Variants in TRAPPC9 observed in about 807,000 individuals in gnomAD.
TRAPPC9 encodes IKK2 binding protein.
Under a neutral mutation model 124.0 loss-of-function variants are expected in TRAPPC9, and 83 were observed. That is an observed-to-expected ratio of 0.67 (90% CI 0.56 to 0.80). The LOEUF is 0.80. TRAPPC9 is among the 30% of genes least tolerant of loss of function. The pLI, the probability that TRAPPC9 is intolerant of heterozygous loss-of-function variation, is 0.00. For missense variants in TRAPPC9, 1,302 were observed against 1,508.3 expected (o/e 0.86, Z 2.27); for synonymous variants, 638 against 617.5 (o/e 1.03, Z -0.49).
chr8:139,956,361 C>T (rs1834984625), intron 19 of TRAPPC9, among the ~76,000 whole-genome samples: 1 of 152,138 alleles, frequency 6.6e-6, no homozygotes, highest in Admixed American at 6.5e-5. Context: ...CGGGGTTTCA[C>T]TATGTTTGCC....
intron 17 of TRAPPC9, among the ~76,000 whole-genome samples, chr8:140,101,749 G>A (rs1587711041): frequency 6.6e-6 from 1 of 151,660 alleles, no homozygotes; most frequent in African/African-American, 2.4e-5. Flanking sequence ...CACCATGTTG[G>A]CCAGGCTGGT....
intron 9 of TRAPPC9, among the ~76,000 whole-genome samples, chr8:140,349,779 C>G (rs1460929924): frequency 6.6e-6 from 1 of 152,118 alleles, no homozygotes; most frequent in African/African-American, 2.4e-5. Flanking sequence ...TGGCACTGCA[C>G]CAAGAATAGG....
intron 16 of TRAPPC9, among the ~76,000 whole-genome samples, chr8:140,239,653 C>G (rs990906129): frequency 4.6e-5 from 7 of 152,206 alleles, no homozygotes; most frequent in African/African-American, 1.7e-4. Context: ...ACCAACACAC[C>G]GTGCACTCCG....
intron 21 of TRAPPC9, among the ~76,000 whole-genome samples, chr8:139,754,143 C>T (rs1819540823): frequency 6.6e-6 from 1 of 151,470 alleles, no homozygotes; most frequent in Non-Finnish European, 1.5e-5. Context: ...ACAGCCAAGG[C>T]CCCCCCAGCC....
intron 15 of TRAPPC9, among the ~76,000 whole-genome samples, chr8:140,259,054 C>T (rs906285745): frequency 2.0e-5 from 3 of 152,240 alleles, no homozygotes; most frequent in African/African-American, 2.4e-5. Flanking sequence ...AGAGGGCTCT[C>T]AGGCTCATCT....
intron 18 of TRAPPC9, among the ~76,000 whole-genome samples, chr8:140,019,719 T>C (rs1839714581): frequency 6.6e-6 from 1 of 151,780 alleles, no homozygotes. Flanking sequence ...GCCCAGCTAA[T>C]TTTTCTATGT....
In TRAPPC9 at chr8:140,412,077, G is replaced by A. The variant is rs538354446; in HGVS notation, c.887-6379C>T. 2.6e-5 allele frequency among the ~76,000 whole-genome samples: 4 copies of A among 152,196 alleles called. No individual in the cohort carries two copies. The South Asian group carries it at 8.3e-4, about 32-fold the overall frequency. ...CCACAAATTACTTATTATTTACATC[G>A]AGAAAAATAGTAACTTTACAGTGGA... On this transcript the variant is annotated intron_variant, in intron 5 of 22. Coordinates refer to ENST00000438773, the MANE Select transcript of TRAPPC9 (RefSeq NM_001160372.4).
intron 20 of TRAPPC9, among the ~76,000 whole-genome samples, chr8:139,893,075 C>T (rs972767492): frequency 6.6e-6 from 1 of 152,212 alleles, no homozygotes; most frequent in African/African-American, 2.4e-5. Context: ...GTTAAACTCA[C>T]TCTGCCCTCT....
chr8:139,900,396 C>A (rs1281743565), intron 20 of TRAPPC9, among the ~76,000 whole-genome samples: 6 of 152,236 alleles, frequency 3.9e-5, no homozygotes, highest in Non-Finnish European at 7.3e-5. Context: ...GCCACCACTG[C>A]ACCCTGCAGA....
In TRAPPC9 at chr8:139,783,797, C is replaced by T. The variant is rs527855404; in HGVS notation, c.3056-51595G>A. ...CATATATGAAAACATAATATCATTA[C>T]CAACTGAAGATCATCTTAGGAATGC... On this transcript the variant is annotated intron_variant, in intron 21 of 22. Coordinates refer to ENST00000438773, the MANE Select transcript of TRAPPC9 (RefSeq NM_001160372.4). Among the ~76,000 whole-genome samples, 11 of 152,290 alleles carry T rather than the reference C, an allele frequency of 7.2e-5. No individual in the cohort carries two copies. In the East Asian group the frequency reaches 2.1e-3, roughly 29 times the overall value.
intron 17 of TRAPPC9, among the ~76,000 whole-genome samples, chr8:140,107,918 A>T (rs73727508): frequency 0.024 from 3,573 of 150,828 alleles, 146 homozygotes; most frequent in African/African-American, 0.082. Flanking sequence ...TAGGCTAGGA[A>T]GAGCAAGTAT....
chr8:139,755,032 G>A (rs1287123514), intron 21 of TRAPPC9, among the ~76,000 whole-genome samples: 3 of 152,258 alleles, frequency 2.0e-5, no homozygotes, highest in Admixed American at 6.5e-5. Flanking sequence ...GCTGCCTGGG[G>A]CCAACAGGAC....
intron 9 of TRAPPC9, among the ~76,000 whole-genome samples, chr8:140,322,601 G>A (rs1386919030): frequency 2.6e-5 from 4 of 151,968 alleles, no homozygotes; most frequent in Non-Finnish European, 5.9e-5. Flanking sequence ...GCTGAGGCAG[G>A]AGGATTGCTT....
chr8:139,761,435 C>T (rs1444849938), intron 21 of TRAPPC9, among the ~76,000 whole-genome samples: 1 of 152,192 alleles, frequency 6.6e-6, no homozygotes, highest in Admixed American at 6.5e-5. Flanking sequence ...AAAATGTAGA[C>T]TTCCCGGGCC....
At chr8:140,067,520 G>C (rs1842950400) in intron 17 of TRAPPC9, among the ~76,000 whole-genome samples, 1 of 152,232 alleles carries the variant, frequency 6.6e-6, no homozygotes, top group Admixed American at 6.5e-5. Context: ...AATCCCATGA[G>C]AACTACTGTC....
chr8:140,328,601 G>A (rs1211719716), intron 9 of TRAPPC9, among the ~76,000 whole-genome samples: 2 of 152,136 alleles, frequency 1.3e-5, no homozygotes, highest in East Asian at 3.9e-4. Context: ...GGTGGGAGCA[G>A]GTGAAGGATA....
intron 21 of TRAPPC9, among the ~76,000 whole-genome samples, chr8:139,850,911 C>G (rs1367919929): frequency 1.3e-5 from 2 of 152,170 alleles, no homozygotes; most frequent in Non-Finnish European, 2.9e-5. Flanking sequence ...ATGGCAGGAT[C>G]AAGATGAGTA....
intron 17 of TRAPPC9, among the ~76,000 whole-genome samples, chr8:140,206,744 T>TAC (rs1405779089): frequency 1.3e-5 from 2 of 149,678 alleles, no homozygotes; most frequent in Non-Finnish European, 2.9e-5. Context: ...CACACACACA[T>TAC]ACATATACAT....
At chr8:139,807,585 C>G (rs554388650) in intron 21 of TRAPPC9, among the ~76,000 whole-genome samples, 1 of 152,292 alleles carries the variant, frequency 6.6e-6, no homozygotes, top group East Asian at 1.9e-4. Context: ...ACGTCCTCAA[C>G]ACAACCACCG....
Sources: gnomAD v4.1 joint callset for allele counts (sites outside exome capture counted in the v4.1 genomes callset) on GRCh38, gnomAD v4.1.1 for gene constraint, MANE v1.5 for transcripts, NCBI Gene and HGNC (gene_info 2026-07-23, HGNC 2026-07-21) for gene names.